The following PHACTR1 variants were observed in gnomAD, a reference collection of about 807,000 sequenced individuals.
PHACTR1 encodes the protein RPEL repeat containing 1.
In PHACTR1, 16 loss-of-function variants were observed where a neutral mutation model predicts 69.2. The observed-to-expected ratio is 0.23, with a 90% CI of 0.16 to 0.35. The LOEUF is 0.35. Among genes scored for constraint, PHACTR1 ranks in the 10% least tolerant of loss-of-function variants. The probability of loss-of-function intolerance (pLI) is 1.00; values close to 1 mark genes in which losing one functional copy is unlikely to be tolerated. For synonymous variants in PHACTR1, 312 were observed against 284.5 expected, an observed-to-expected ratio of 1.10 and a Z score of -0.97; for missense variants, 510 against 734.7, an observed-to-expected ratio of 0.69 and a Z score of 3.54.
At chr6:12,995,298 G>A (rs185692001) in intron 4 of PHACTR1, among the ~76,000 whole-genome samples, 1 of 147,530 alleles carries the variant, frequency 6.8e-6, no homozygotes, top group East Asian at 2.0e-4. Context: ...GAAAGGAAAA[G>A]AAAGAATAGA....
intron 10 of PHACTR1, among the ~76,000 whole-genome samples, chr6:13,232,407 G>A (rs1005089290): frequency 1.3e-5 from 2 of 152,222 alleles, no homozygotes; most frequent in Non-Finnish European, 2.9e-5. Context: ...ATTGGACGTA[G>A]TGTTATGCAG....
chr6:13,202,780 C>T (rs570985879), intron 7 of PHACTR1, among the ~76,000 whole-genome samples: 4 of 152,348 alleles, frequency 2.6e-5, no homozygotes, highest in South Asian at 2.1e-4. Flanking sequence ...CCCGCCTGCA[C>T]TGAAGCTTCT....
chr6:12,853,351 G>C (rs925839843), intron 4 of PHACTR1, among the ~76,000 whole-genome samples: 1 of 152,166 alleles, frequency 6.6e-6, no homozygotes, highest in African/African-American at 2.4e-5. Context: ...ACAGGCAAAA[G>C]AAGCTGATCA....
Position 13,095,524 on chromosome 6 carries a change from G to GA in PHACTR1, c.415+42005dup, listed in dbSNP as rs539361751. Among the ~76,000 whole-genome samples, 596 of 148,164 alleles carry GA rather than the reference G, an allele frequency of 4.0e-3. 4 individuals are homozygous for GA. Among genetic ancestry groups the GA allele is most frequent in the African/African-American group, 0.011 (438 of 40,510 alleles). Reference sequence around the variant, plus strand: ...GGTTTGATAGTTTGTGTTTTAACCAGAAAAAAAAAATATGTATTGTGGGAT... The same window carrying GA: ...GGTTTGATAGTTTGTGTTTTAACCAGAAAAAAAAAAATATGTATTGTGGGAT... On this transcript the variant is annotated intron_variant, in intron 5 of 14. Coordinates refer to ENST00000332995, the MANE Select transcript of PHACTR1 (RefSeq NM_030948.6).
At chr6:13,096,014 T>C (rs1181265592) in intron 5 of PHACTR1, among the ~76,000 whole-genome samples, 1 of 152,152 alleles carries the variant, frequency 6.6e-6, no homozygotes, top group African/African-American at 2.4e-5. Context: ...TCTGAAATTA[T>C]TACAACTGGG....
At position 12,810,966 on chromosome 6, in the gene PHACTR1, C is replaced by T. The variant is rs77175660; in HGVS notation, c.250+61176C>T. Among the ~76,000 whole-genome samples, 783 of 152,312 alleles carry T rather than the reference C, an allele frequency of 5.1e-3. 9 individuals are homozygous for T. Among genetic ancestry groups the T allele is most frequent in the African/African-American group, 0.017 (726 of 41,572 alleles). ...GGAGCAGTCCGTTTCTTCATTGACG[C>T]GCTTTGTGTCAGTTGCCTGTCCTCA... On this transcript the variant is annotated intron_variant, in intron 4 of 14. Coordinates refer to ENST00000332995, the MANE Select transcript of PHACTR1 (RefSeq NM_030948.6).
intron 5 of PHACTR1, among the ~76,000 whole-genome samples, chr6:13,055,673 G>A (rs964830173): frequency 5.3e-5 from 8 of 152,232 alleles, no homozygotes; most frequent in Non-Finnish European, 7.3e-5. Flanking sequence ...GGCAAGTCAA[G>A]GGCTTTGTTT....
chr6:13,281,081 G>A (rs1780080768), intron 12 of PHACTR1: 1 of 1,289,594 alleles, frequency 7.8e-7, no homozygotes, highest in Non-Finnish European at 1.0e-6. Flanking sequence ...GGTGTCCAAG[G>A]CCCCGCGATG....
chr6:12,929,870 G>C (rs1019174278), intron 4 of PHACTR1, among the ~76,000 whole-genome samples: 2 of 152,130 alleles, frequency 1.3e-5, no homozygotes, highest in Non-Finnish European at 2.9e-5. Flanking sequence ...GGCACTTCCT[G>C]CTTGCGTAAC....
intron 5 of PHACTR1, among the ~76,000 whole-genome samples, chr6:13,068,402 T>G (rs531303515): frequency 6.6e-6 from 1 of 152,210 alleles, no homozygotes; most frequent in Non-Finnish European, 1.5e-5. Context: ...GCTCTTAGAA[T>G]AGTACTTTGC....
At chr6:13,039,396 G>A (rs1803832227) in intron 4 of PHACTR1, among the ~76,000 whole-genome samples, 1 of 152,164 alleles carries the variant, frequency 6.6e-6, no homozygotes, top group South Asian at 2.1e-4. Flanking sequence ...AATGTGGATT[G>A]ATAAGAGAGA....
rs560007839 is a variant in PHACTR1, at chr6:13,161,484, A to T, written c.496+1200A>T. 1.8e-4 allele frequency among the ~76,000 whole-genome samples: 27 copies of T among 152,030 alleles called. No individual in the cohort carries two copies. The South Asian group carries it at 5.4e-3, about 30-fold the overall frequency. ...GTGATTTTCTATGTCAGGTCTTCTG[A>T]TTGTTTCATGCAGGTGTTATCTGGT... On this transcript the variant is annotated intron_variant, in intron 6 of 14. Transcript: ENST00000332995.
intron 10 of PHACTR1, among the ~76,000 whole-genome samples, chr6:13,242,854 G>A (rs6927426): frequency 0.08 from 12,247 of 152,138 alleles, 1,528 homozygotes; most frequent in African/African-American, 0.27. Flanking sequence ...AGTTGATTCA[G>A]TTGGAAACTA....
At chr6:12,793,527 A>G (rs1772598025) in intron 4 of PHACTR1, among the ~76,000 whole-genome samples, 1 of 152,228 alleles carries the variant, frequency 6.6e-6, no homozygotes, top group Non-Finnish European at 1.5e-5. Context: ...AAAATCACAG[A>G]GAAAATAAAA....
chr6:13,120,841 A>G (rs534568039), intron 5 of PHACTR1, among the ~76,000 whole-genome samples: 23 of 152,330 alleles, frequency 1.5e-4, no homozygotes, highest in Non-Finnish European at 3.1e-4. Flanking sequence ...CTTGTAGAGA[A>G]AACTTTTACC....
At chr6:13,037,230 T>G (rs1803446027) in intron 4 of PHACTR1, among the ~76,000 whole-genome samples, 1 of 152,110 alleles carries the variant, frequency 6.6e-6, no homozygotes, top group African/African-American at 2.4e-5. Context: ...GAGGCAGAAG[T>G]AGGACTTAGA....
At chr6:12,747,172 G>A (rs201109544) in intron 3 of PHACTR1, among the ~76,000 whole-genome samples, 1 of 152,148 alleles carries the variant, frequency 6.6e-6, no homozygotes, top group East Asian at 1.9e-4. Context: ...AATCTGAAAG[G>A]TGGCTAATCA....
rs557195557 is a variant in PHACTR1, at chr6:12,827,046, G to A, written c.250+77256G>A. ...TACCCACTTTCCCTCACTCGTTATCGTCCTTCTTTGTTGTTTCTGTGCATA... is the reference window on the plus strand; with the variant it reads ...TACCCACTTTCCCTCACTCGTTATCATCCTTCTTTGTTGTTTCTGTGCATA... On this transcript the variant is annotated intron_variant, in intron 4 of 14. Coordinates refer to ENST00000332995, the MANE Select transcript of PHACTR1 (RefSeq NM_030948.6). 9.2e-5 allele frequency among the ~76,000 whole-genome samples: 14 copies of A among 152,198 alleles called. No homozygotes were observed. The South Asian group carries it at 1.7e-3, about 18-fold the overall frequency.
At chr6:13,157,956 A>G (rs1485466064) in intron 5 of PHACTR1, among the ~76,000 whole-genome samples, 6 of 152,014 alleles carry the variant, frequency 3.9e-5, no homozygotes, top group African/African-American at 7.2e-5. Context: ...AATCTCGCTC[A>G]CTGCAACCTC....
Sources: gnomAD v4.1 joint callset for allele counts (sites outside exome capture counted in the v4.1 genomes callset) on GRCh38, gnomAD v4.1.1 for gene constraint, MANE v1.5 for transcripts, NCBI Gene and HGNC (gene_info 2026-07-23, HGNC 2026-07-21) for gene names.